GPR158: variants seen among roughly 807,000 people sequenced by gnomAD.
GPR158 encodes G protein-coupled receptor 158.
Under a neutral mutation model 78.2 loss-of-function variants are expected in GPR158, and 30 were observed. That is an observed-to-expected ratio of 0.38 (90% CI 0.29 to 0.52). The LOEUF is 0.52. GPR158 is among the 20% of genes least tolerant of loss of function. The pLI, the probability that GPR158 is intolerant of heterozygous loss-of-function variation, is 0.83. For missense variants in GPR158, 1,463 were observed against 1,523.5 expected (o/e 0.96, Z 0.66); for synonymous variants, 581 against 591.1 (o/e 0.98, Z 0.25).
intron 2 of GPR158, among the ~76,000 whole-genome samples, chr10:25,383,489 C>T (rs1632593): frequency 0.65 from 98,079 of 151,990 alleles, 32,604 homozygotes; most frequent in Non-Finnish European, 0.73. Flanking sequence ...AGGGGGGTTT[C>T]GTTTTCAGGA....
At chr10:25,359,682 A>G (rs1855603916) in intron 2 of GPR158, among the ~76,000 whole-genome samples, 1 of 152,162 alleles carries the variant, frequency 6.6e-6, no homozygotes, top group Non-Finnish European at 1.5e-5. Context: ...GGTTGGTTCC[A>G]AGTCTTTGCT....
intron 5 of GPR158, among the ~76,000 whole-genome samples, chr10:25,481,371 C>T (rs528007899): frequency 3.9e-5 from 6 of 152,000 alleles, no homozygotes; most frequent in African/African-American, 1.2e-4. Context: ...CAAATAGAGT[C>T]GAGTATATGT....
intron 4 of GPR158, among the ~76,000 whole-genome samples, chr10:25,424,596 A>C (rs538826929): frequency 0.016 from 2,399 of 151,658 alleles, 21 homozygotes; most frequent in Non-Finnish European, 0.026. Context: ...TCAGCTTTCT[A>C]CATATGGCTA....
At position 25,478,169 on chromosome 10, in the gene GPR158, A is replaced by C. The variant is rs529937783; in HGVS notation, c.1404+11450A>C. Among the ~76,000 whole-genome samples the C allele has an allele frequency of 2.6e-5, 4 of 152,290 alleles. No individual in the cohort carries two copies. The South Asian group carries it at 8.3e-4, about 32-fold the overall frequency. On this transcript the variant is annotated intron_variant, in intron 5 of 10. Transcript: ENST00000376351. ...AGGAACTAACCAATAATCTTCCTTT[A>C]GTTGAAAGAGTTTTAATAAACTTAG... is the stretch of plus-strand genomic sequence containing the variant.
chr10:25,328,622 T>G (rs1855069572), intron 2 of GPR158, among the ~76,000 whole-genome samples: 1 of 152,062 alleles, frequency 6.6e-6, no homozygotes, highest in Non-Finnish European at 1.5e-5. Flanking sequence ...ATATTTATTT[T>G]TGTCTATAGA....
chr10:25,338,488 ATAAT>A (rs1855251776), intron 2 of GPR158, among the ~76,000 whole-genome samples: 1 of 132,754 alleles, frequency 7.5e-6, no homozygotes, highest in Non-Finnish European at 1.6e-5. Flanking sequence ...TAATATACGT[ATAAT>A]ATACGTATAT....
At chr10:25,323,698 T>A (rs1046573888) in intron 2 of GPR158, among the ~76,000 whole-genome samples, 1 of 151,124 alleles carries the variant, frequency 6.6e-6, no homozygotes, top group African/African-American at 2.4e-5. Context: ...TTTTTTTTTT[T>A]ATAGAGACAG....
chr10:25,249,741 A>G (rs1376129672), intron 2 of GPR158, among the ~76,000 whole-genome samples: 1 of 152,036 alleles, frequency 6.6e-6, no homozygotes, highest in Non-Finnish European at 1.5e-5. Flanking sequence ...TTTTTGCATC[A>G]ATGTTCATCA....
chr10:25,554,970 G>A (rs1271528371), intron 6 of GPR158, among the ~76,000 whole-genome samples: 1 of 151,332 alleles, frequency 6.6e-6, no homozygotes, highest in Non-Finnish European at 1.5e-5. Flanking sequence ...CCACTGATGT[G>A]GTGTAATTTA....
At chr10:25,345,227 CT>C (rs1161933081) in intron 2 of GPR158, among the ~76,000 whole-genome samples, 1 of 151,970 alleles carries the variant, frequency 6.6e-6, no homozygotes, top group Non-Finnish European at 1.5e-5. Flanking sequence ...CAAAGGGACC[CT>C]CTTGCTGGTT....
At chr10:25,250,143 G>A (rs532090991) in intron 2 of GPR158, among the ~76,000 whole-genome samples, 8 of 121,228 alleles carry the variant, frequency 6.6e-5, no homozygotes, top group East Asian at 4.9e-4. Context: ...GTATTTCTGT[G>A]GGATCGGTGG....
At chr10:25,328,125 G>A (rs1855062720) in intron 2 of GPR158, among the ~76,000 whole-genome samples, 1 of 152,132 alleles carries the variant, frequency 6.6e-6, no homozygotes, top group African/African-American at 2.4e-5. Context: ...TACTTGGAAT[G>A]TACCTGAATA....
At chr10:25,212,972 A>T (rs923905779) in intron 1 of GPR158, among the ~76,000 whole-genome samples, 1 of 151,896 alleles carries the variant, frequency 6.6e-6, no homozygotes, top group African/African-American at 2.4e-5. Context: ...TTTTAGTTAT[A>T]ATTTTTTTTA....
chr10:25,463,388 G>A (rs947476255), intron 4 of GPR158, among the ~76,000 whole-genome samples: 2 of 143,118 alleles, frequency 1.4e-5, no homozygotes, highest in Admixed American at 7.2e-5. Context: ...ATATTTCTGA[G>A]GTTTGTCTGG....
At chr10:25,294,625 A>G (rs568947844) in intron 2 of GPR158, among the ~76,000 whole-genome samples, 2 of 36,734 alleles carry the variant, frequency 5.4e-5, no homozygotes, top group South Asian at 6.8e-4. Flanking sequence ...AGGAATGTGG[A>G]AAAAAAAAAT....
intron 2 of GPR158, among the ~76,000 whole-genome samples, chr10:25,324,582 A>G (rs961058003): frequency 6.6e-6 from 1 of 152,204 alleles, no homozygotes; most frequent in African/African-American, 2.4e-5. Context: ...TGTTTCAAGA[A>G]TTACCAAAAT....
At chr10:25,260,982 A>T (rs1853961043) in intron 2 of GPR158, among the ~76,000 whole-genome samples, 1 of 152,266 alleles carries the variant, frequency 6.6e-6, no homozygotes, top group Non-Finnish European at 1.5e-5. Context: ...CTATTCTGCT[A>T]TATTGCTAAA....
At chr10:25,214,057 A>G (rs1381226758) in intron 1 of GPR158, among the ~76,000 whole-genome samples, 1 of 148,906 alleles carries the variant, frequency 6.7e-6, no homozygotes, top group African/African-American at 2.5e-5. Context: ...TGCAGTGGTG[A>G]GATCTCGGCT....
chr10:25,287,099 A>G (rs184575151), intron 2 of GPR158, among the ~76,000 whole-genome samples: 13 of 152,204 alleles, frequency 8.5e-5, no homozygotes, highest in Admixed American at 5.9e-4. Context: ...TCTTAGGGTT[A>G]TGAGTTTCTC....
Sources: gnomAD v4.1 joint callset for allele counts (sites outside exome capture counted in the v4.1 genomes callset) on GRCh38, gnomAD v4.1.1 for gene constraint, MANE v1.5 for transcripts, NCBI Gene and HGNC (gene_info 2026-07-23, HGNC 2026-07-21) for gene names.